The following SLAIN2 variants were observed in gnomAD, a reference collection of about 807,000 sequenced individuals.
SLAIN2 encodes the protein SLAIN motif-containing protein 2.
A neutral mutation model predicts 56.6 loss-of-function variants in SLAIN2; 31 were observed. That is an observed-to-expected ratio of 0.55 (90% CI 0.41 to 0.74). The LOEUF is 0.74. Among genes scored for constraint, SLAIN2 ranks in the 30% least tolerant of loss-of-function variants. The pLI, the probability that SLAIN2 is intolerant of heterozygous loss-of-function variation, is 0.00. For synonymous variants in SLAIN2, 317 were observed against 284.9 expected (o/e 1.11, Z -1.13); for missense variants, 777 against 754.2 (o/e 1.03, Z -0.35).
At chr4:48,397,090 A>G (rs1365401187) in intron 6 of SLAIN2, among the ~76,000 whole-genome samples, 1 of 152,210 alleles carries the variant, frequency 6.6e-6, no homozygotes, top group Non-Finnish European at 1.5e-5. Context: ...GAAAGATTTT[A>G]TTCATTCCCT....
At chr4:48,414,703 C>T (rs1173244172) in intron 6 of SLAIN2, among the ~76,000 whole-genome samples, 2 of 110,616 alleles carry the variant, frequency 1.8e-5, no homozygotes, top group East Asian at 5.5e-4. Context: ...TGCTATCCCT[C>T]CCCCCTCCCC....
chr4:48,396,638 T>C (rs139184833), intron 6 of SLAIN2, among the ~76,000 whole-genome samples: 272 of 152,254 alleles, frequency 1.8e-3, no homozygotes, highest in Non-Finnish European at 2.5e-3. Flanking sequence ...TTCACAGGTA[T>C]ATTTGGCATA....
intron 5 of SLAIN2, 93 bp downstream of exon 5, chr4:48,383,020 T>G: frequency 7.6e-7 from 1 of 1,320,290 alleles, no homozygotes; most frequent in Non-Finnish European, 1.0e-6. Flanking sequence ...TTTTCAAAAT[T>G]AGCTGGGCAT....
chr4:48,421,188 G>T (rs1295433405), intron 7 of SLAIN2, among the ~76,000 whole-genome samples: 1 of 151,960 alleles, frequency 6.6e-6, no homozygotes, highest in African/African-American at 2.4e-5. Context: ...GCTAATTTTT[G>T]TAGAGATGGG....
intron 1 of SLAIN2, among the ~76,000 whole-genome samples, chr4:48,348,928 C>T (rs1349605962): frequency 6.6e-6 from 1 of 152,172 alleles, no homozygotes; most frequent in African/African-American, 2.4e-5. Flanking sequence ...ATTTAAAAGT[C>T]CTCAGCAGTC....
At chr4:48,377,217 C>G (rs1442585256) in intron 2 of SLAIN2, among the ~76,000 whole-genome samples, 2 of 151,804 alleles carry the variant, frequency 1.3e-5, no homozygotes, top group African/African-American at 2.4e-5. Flanking sequence ...GAGTCTCACT[C>G]TGTCGCCCAG....
At chr4:48,400,459 T>C (rs1357158173) in intron 6 of SLAIN2, among the ~76,000 whole-genome samples, 1 of 141,326 alleles carries the variant, frequency 7.1e-6, no homozygotes, top group Non-Finnish European at 1.5e-5. Flanking sequence ...TGCAGTGGCA[T>C]AATCTTGGCT....
intron 6 of SLAIN2, among the ~76,000 whole-genome samples, chr4:48,418,591 CAA>C (rs1202517527): frequency 6.6e-6 from 1 of 152,030 alleles, no homozygotes; most frequent in African/African-American, 2.4e-5. Context: ...TATTTGTAAA[CAA>C]TATTGATCCG....
intron 6 of SLAIN2, among the ~76,000 whole-genome samples, chr4:48,409,285 C>CT (rs1464365411): frequency 3.3e-5 from 5 of 151,864 alleles, no homozygotes; most frequent in African/African-American, 1.2e-4. Context: ...AGGTCTTTCT[C>CT]TATTTTTTTT....
At chr4:48,371,736 G>C (rs1715668687) in intron 2 of SLAIN2, among the ~76,000 whole-genome samples, 1 of 151,992 alleles carries the variant, frequency 6.6e-6, no homozygotes, top group African/African-American at 2.4e-5. Context: ...GAGTCCAGGA[G>C]TTCAGAAGCA....
At chr4:48,388,386 G>A (rs986114752) in intron 6 of SLAIN2, among the ~76,000 whole-genome samples, 1 of 152,242 alleles carries the variant, frequency 6.6e-6, no homozygotes, top group South Asian at 2.1e-4. Flanking sequence ...TAAAGCACAG[G>A]TTTAGCAGAA....
intron 5 of SLAIN2, 71 bp from the exon 6 acceptor site, chr4:48,383,576 A>G: frequency 7.7e-7 from 1 of 1,294,878 alleles, no homozygotes; most frequent in East Asian, 2.6e-5. Context: ...TGATTTTTGA[A>G]TGCTAGTTAA....
intron 6 of SLAIN2, among the ~76,000 whole-genome samples, chr4:48,419,367 G>A (rs1292836485): frequency 6.6e-6 from 1 of 152,148 alleles, no homozygotes; most frequent in East Asian, 1.9e-4. Flanking sequence ...GACTCCCAAA[G>A]TGCTGGGATT....
At chr4:48,406,286 A>G (rs550432770) in intron 6 of SLAIN2, among the ~76,000 whole-genome samples, 14 of 152,250 alleles carry the variant, frequency 9.2e-5, no homozygotes, top group African/African-American at 3.4e-4. Flanking sequence ...GGAAACGTGT[A>G]GGTTTGTGTT....
At chr4:48,400,957 C>G (rs965699693) in intron 6 of SLAIN2, among the ~76,000 whole-genome samples, 1 of 152,044 alleles carries the variant, frequency 6.6e-6, no homozygotes, top group Non-Finnish European at 1.5e-5. Context: ...TTAACATTGC[C>G]TTAGCTGCAT....
intron 1 of SLAIN2, among the ~76,000 whole-genome samples, chr4:48,363,728 G>A (rs1468544179): frequency 3.6e-5 from 4 of 111,994 alleles, no homozygotes; most frequent in Middle Eastern, 6.2e-3. Context: ...CAGACGGGGC[G>A]GCTGGCCAGG....
Position 48,383,801 on chromosome 4 carries a change from T to C in SLAIN2, c.1360+17T>C, listed in dbSNP as rs1242939763. The C allele has an allele frequency of 1.2e-6, 2 of 1,605,298 alleles. No homozygotes were observed. The highest frequency in any genetic ancestry group is 1.7e-5 in the Admixed American group (1 of 58,716). On this transcript the variant is annotated intron_variant, in intron 6 of 7. Transcript: ENST00000264313. ...CTTCAGCCAGTAAGTATCCTTCTTA[T>C]GCTTTCATGTATCAGTTATTTAAAG...
Position 48,420,399 on chromosome 4 carries a change from G to A in SLAIN2, c.1635G>A (p.Gly545=), listed in dbSNP as rs1456528131. 1 of 1,613,980 alleles carries A rather than the reference G, an allele frequency of 6.2e-7. No homozygotes were observed. Among genetic ancestry groups the A allele is most frequent in the East Asian group, 2.2e-5 (1 of 44,868 alleles). Residue 545 remains glycine (G), a synonymous_variant, in exon 7 of 8, where the codon GGG becomes GGA. Transcript: ENST00000264313. ...CCAGACCCAGTGCCCCTTCTGCTGG[G>A]GGCATACCAGTGCCTCGCAGCAAAC... ...GLPRPSAPSA[G]GIPVPRSKLA...
intron 1 of SLAIN2, among the ~76,000 whole-genome samples, chr4:48,342,464 G>T (rs1714739747): frequency 6.6e-6 from 1 of 152,206 alleles, no homozygotes; most frequent in Non-Finnish European, 1.5e-5. Flanking sequence ...CAGGGATCCT[G>T]CTTTGTGTAA....
Sources: gnomAD v4.1 joint callset for allele counts (sites outside exome capture counted in the v4.1 genomes callset) on GRCh38, gnomAD v4.1.1 for gene constraint, MANE v1.5 for transcripts, NCBI Gene and HGNC (gene_info 2026-07-23, HGNC 2026-07-21) for gene names.